GABRG3: variants seen among roughly 807,000 people sequenced by gnomAD.
The protein encoded by GABRG3 is gamma-aminobutyric acid receptor subunit gamma-3.
In GABRG3, 25 loss-of-function variants were observed where a neutral mutation model predicts 48.8. The observed-to-expected ratio is 0.51, with a 90% CI of 0.37 to 0.72. The LOEUF (loss-of-function observed/expected upper bound fraction) is 0.72. Among genes scored for constraint, GABRG3 ranks in the 30% least tolerant of loss-of-function variants. The pLI, the probability that GABRG3 is intolerant of heterozygous loss-of-function variation, is 0.00. For synonymous variants in GABRG3, 227 were observed against 217.6 expected (o/e 1.04, Z -0.38); for missense variants, 394 against 577.9 (o/e 0.68, Z 3.26).
chr15:27,347,137 A>G (rs565870984), intron 5 of GABRG3, among the ~76,000 whole-genome samples: 1 of 152,248 alleles, frequency 6.6e-6, no homozygotes, highest in South Asian at 2.1e-4. Flanking sequence ...CAGAGGCTTA[A>G]TATTTTTCTA....
intron 3 of GABRG3, among the ~76,000 whole-genome samples, chr15:27,147,850 T>C (rs1056700514): frequency 6.6e-5 from 10 of 151,984 alleles, no homozygotes; most frequent in African/African-American, 2.4e-4. Context: ...ATAGCTGCAG[T>C]TGACTATTTT....
At chr15:27,080,993 C>T (rs987163868) in intron 3 of GABRG3, among the ~76,000 whole-genome samples, 1 of 152,154 alleles carries the variant, frequency 6.6e-6, no homozygotes, top group Non-Finnish European at 1.5e-5. Flanking sequence ...AGAGGCAGGC[C>T]ACCCCACTCA....
intron 3 of GABRG3, among the ~76,000 whole-genome samples, chr15:27,255,432 A>G (rs1890582811): frequency 6.6e-6 from 1 of 152,204 alleles, no homozygotes; most frequent in South Asian, 2.1e-4. Flanking sequence ...CAGAGTTGTT[A>G]GGATTCTCAG....
intron 3 of GABRG3, among the ~76,000 whole-genome samples, chr15:27,069,845 C>A (rs1469440270): frequency 6.6e-6 from 1 of 152,208 alleles, no homozygotes; most frequent in Non-Finnish European, 1.5e-5. Flanking sequence ...TCGTTAATAT[C>A]CACTGGAGAA....
intron 3 of GABRG3, among the ~76,000 whole-genome samples, chr15:27,052,491 C>T (rs1896472536): frequency 6.6e-6 from 1 of 152,160 alleles, no homozygotes; most frequent in Non-Finnish European, 1.5e-5. Flanking sequence ...GCCCTTCATT[C>T]CTCCTGTAAC....
intron 3 of GABRG3, among the ~76,000 whole-genome samples, chr15:27,164,599 C>A (rs2140406383): frequency 6.6e-6 from 1 of 152,272 alleles, no homozygotes; most frequent in South Asian, 2.1e-4. Flanking sequence ...TAGATTGGCA[C>A]CCTCCTATTC....
chr15:27,267,687 A>T (rs1890963958), intron 3 of GABRG3, among the ~76,000 whole-genome samples: 1 of 152,214 alleles, frequency 6.6e-6, no homozygotes, highest in African/African-American at 2.4e-5. Context: ...TTATCTGATT[A>T]AGGAAGTTCT....
At chr15:26,978,944 G>A (rs1895002185) in intron 2 of GABRG3, among the ~76,000 whole-genome samples, 1 of 152,154 alleles carries the variant, frequency 6.6e-6, no homozygotes, top group Non-Finnish European at 1.5e-5. Context: ...CTACTATGTT[G>A]CATCTTCCAA....
intron 3 of GABRG3, among the ~76,000 whole-genome samples, chr15:27,162,313 C>T (rs1326896808): frequency 6.6e-6 from 1 of 152,120 alleles, no homozygotes; most frequent in African/African-American, 2.4e-5. Flanking sequence ...TCCTTGGGTA[C>T]CTGAGAAGGA....
intron 3 of GABRG3, among the ~76,000 whole-genome samples, chr15:27,324,971 T>C (rs934673676): frequency 6.6e-6 from 1 of 152,166 alleles, no homozygotes; most frequent in Non-Finnish European, 1.5e-5. Flanking sequence ...TAGCAATGGG[T>C]GTGATTATTT....
chr15:27,480,024 C>T (rs1369147444), intron 5 of GABRG3, among the ~76,000 whole-genome samples: 1 of 152,218 alleles, frequency 6.6e-6, no homozygotes, highest in African/African-American at 2.4e-5. Context: ...GACAGAGCAC[C>T]TGCCTGATGT....
rs1440279254 is a variant in GABRG3 at position 27,319,508 on chromosome 15, A to T, written c.271-7301A>T. Among the ~76,000 whole-genome samples the T allele has an allele frequency of 1.3e-5, 2 of 152,242 alleles. No homozygotes were observed. The highest frequency in any genetic ancestry group is 4.8e-5 in the African/African-American group (2 of 41,462). ...GATAATTGTGATACGGCAGTTGAAGACATAGAGTGTTAACATAAGGAGAAA... is the reference window on the plus strand; with the variant it reads ...GATAATTGTGATACGGCAGTTGAAGTCATAGAGTGTTAACATAAGGAGAAA... On this transcript the variant is annotated intron_variant, in intron 3 of 9. Coordinates refer to ENST00000615808, the MANE Select transcript of GABRG3 (RefSeq NM_033223.5). The surrounding 1 kb of genome is among the most constrained non-coding windows in gnomAD (Gnocchi z 4.4).
At chr15:27,019,878 T>A (rs1010424945) in intron 2 of GABRG3, among the ~76,000 whole-genome samples, 1 of 152,194 alleles carries the variant, frequency 6.6e-6, no homozygotes, top group Non-Finnish European at 1.5e-5. Context: ...ATTACGTCAT[T>A]TTTACTCTTT....
At chr15:27,529,453 C>T (rs1195362140) in intron 9 of GABRG3, among the ~76,000 whole-genome samples, 1 of 152,070 alleles carries the variant, frequency 6.6e-6, no homozygotes, top group Non-Finnish European at 1.5e-5. Context: ...TTTCAAGCCC[C>T]CCCATAAGCC....
chr15:27,454,256 G>T (rs191375197), intron 5 of GABRG3, among the ~76,000 whole-genome samples: 1 of 152,272 alleles, frequency 6.6e-6, no homozygotes, highest in African/African-American at 2.4e-5. Flanking sequence ...GAAGCGTGTG[G>T]TCCAACATGG....
intron 5 of GABRG3, among the ~76,000 whole-genome samples, chr15:27,330,300 A>G (rs1893760866): frequency 1.3e-5 from 2 of 152,242 alleles, no homozygotes; most frequent in African/African-American, 4.8e-5. Context: ...AATCTGATGA[A>G]ATCTCATGTA....
intron 6 of GABRG3, among the ~76,000 whole-genome samples, chr15:27,488,442 T>C (rs1179498818): frequency 3.9e-5 from 6 of 152,150 alleles, no homozygotes; most frequent in Admixed American, 3.9e-4. Flanking sequence ...GTCTGTCATC[T>C]TGGATGCATT....
chr15:27,196,932 A>G (rs1234141418), intron 3 of GABRG3, among the ~76,000 whole-genome samples: 1 of 152,200 alleles, frequency 6.6e-6, no homozygotes, highest in African/African-American at 2.4e-5. Context: ...ATTTAGTATT[A>G]TTGCCATGCT....
chr15:27,325,379 T>C lies in GABRG3; in HGVS notation c.271-1430T>C, dbSNP rs143841832. On this transcript the variant is annotated intron_variant, in intron 3 of 9. Coordinates refer to ENST00000615808, the MANE Select transcript of GABRG3 (RefSeq NM_033223.5). ...GGTTGCTGAGATGCTACATGTGACC[T>C]GCCATGGCTGCTGAGCCATGAGAGG... 2.4e-3 allele frequency among the ~76,000 whole-genome samples: 366 copies of C among 152,242 alleles called. 1 individual carries two copies. Among genetic ancestry groups the C allele is most frequent in the African/African-American group, 8.6e-3 (356 of 41,560 alleles).
Sources: allele counts gnomAD v4.1 joint callset (sites outside exome capture counted in the v4.1 genomes callset), GRCh38; gene constraint gnomAD v4.1.1; non-coding constraint Gnocchi (gnomAD v3.1); transcripts MANE v1.5; gene names NCBI Gene and HGNC (gene_info 2026-07-23, HGNC 2026-07-21).